The following PHACTR1 variants were observed in gnomAD, a reference collection of about 807,000 sequenced individuals.
PHACTR1 encodes the protein RPEL repeat containing 1.
PHACTR1 carries 16 observed loss-of-function variants against 69.2 expected under a neutral mutation model. The observed-to-expected ratio is 0.23, with a 90% CI of 0.16 to 0.35. The LOEUF (loss-of-function observed/expected upper bound fraction) is 0.35, where lower values mean the gene tolerates loss of function less well. Among genes scored for constraint, PHACTR1 ranks in the 10% least tolerant of loss-of-function variants. The pLI is 1.00. For missense variants in PHACTR1, 510 were observed against 734.7 expected, an observed-to-expected ratio of 0.69 and a Z score of 3.54; for synonymous variants, 312 against 284.5, an observed-to-expected ratio of 1.10 and a Z score of -0.97.
Position 12,884,349 on chromosome 6 carries a change from A to C in PHACTR1, c.250+134559A>C, listed in dbSNP as rs1582277365. 3.3e-5 allele frequency among the ~76,000 whole-genome samples: 5 copies of C among 151,818 alleles called. No individual in the cohort carries two copies. The South Asian group carries it at 8.3e-4, about 25-fold the overall frequency. On this transcript the variant is annotated intron_variant, in intron 4 of 14. Transcript: ENST00000332995. ...CTTTGGTTGAAGGGATCATATACAC[A>C]CAGAGATGGGCATCATGGTTCAGTC...
At chr6:12,999,744 A>C (rs1030859358) in intron 4 of PHACTR1, among the ~76,000 whole-genome samples, 2 of 152,240 alleles carry the variant, frequency 1.3e-5, no homozygotes, top group African/African-American at 4.8e-5. Context: ...ATATGGTAAA[A>C]GTTCAACAGG....
At chr6:12,990,939 C>G (rs990385423) in intron 4 of PHACTR1, among the ~76,000 whole-genome samples, 1 of 152,126 alleles carries the variant, frequency 6.6e-6, no homozygotes, top group African/African-American at 2.4e-5. Flanking sequence ...TGCTTCTTCT[C>G]TTGGTGTTCA....
At chr6:13,102,014 T>A (rs11757001) in intron 5 of PHACTR1, among the ~76,000 whole-genome samples, 36,565 of 152,086 alleles carry the variant, frequency 0.24, 4,790 homozygotes, top group African/African-American at 0.34. Context: ...CATTCTCTAG[T>A]TACCCCAAAA....
At chr6:12,768,999 G>T (rs1222706707) in intron 4 of PHACTR1, among the ~76,000 whole-genome samples, 1 of 152,132 alleles carries the variant, frequency 6.6e-6, no homozygotes, top group Non-Finnish European at 1.5e-5. Context: ...CTCATATATA[G>T]AGTCTTAAAA....
At chr6:13,095,164 GA>G (rs1327803756) in intron 5 of PHACTR1, among the ~76,000 whole-genome samples, 1 of 152,212 alleles carries the variant, frequency 6.6e-6, no homozygotes, top group East Asian at 1.9e-4. Context: ...TGTGAGAAAT[GA>G]ATTTCTGTTT....
intron 7 of PHACTR1, among the ~76,000 whole-genome samples, chr6:13,190,314 C>T (rs545205527): frequency 6.7e-5 from 10 of 150,136 alleles, no homozygotes; most frequent in South Asian, 2.1e-4. Flanking sequence ...GGATTACAGG[C>T]GTGAGCCACC....
intron 4 of PHACTR1, among the ~76,000 whole-genome samples, chr6:13,008,438 C>G (rs1799068146): frequency 6.6e-6 from 1 of 152,190 alleles, no homozygotes; most frequent in Admixed American, 6.5e-5. Context: ...CCTAAATTTC[C>G]TAAGGAATTT....
chr6:12,935,368 C>T (rs562832804), intron 4 of PHACTR1, among the ~76,000 whole-genome samples: 74 of 152,038 alleles, frequency 4.9e-4, no homozygotes, highest in Non-Finnish European at 9.3e-4. Flanking sequence ...CTCAGCCTCC[C>T]GAGTAGCTGG....
chr6:12,718,781 G>T lies in PHACTR1; in HGVS notation c.37G>T (p.Glu13Ter). The change falls in exon 3 of 15, where the codon GAG (glutamate) becomes TAG (stop). Residue 13 changes from glutamate to a stop codon, truncating the protein, a stop_gained. Coordinates refer to ENST00000332995, the MANE Select transcript of PHACTR1 (RefSeq NM_030948.6). LOFTEE classifies it high-confidence loss of function. The part of the protein sequence containing the change: ...YPKMDYFLDV[E>*]SAHRLLDVES... ...CAAAATGGATTATTTTCTGGATGTAGAGTCTGCTCACAGACTCTTGGATGT... is the reference window on the plus strand; with the variant it reads ...CAAAATGGATTATTTTCTGGATGTATAGTCTGCTCACAGACTCTTGGATGT... 1 of 1,571,898 alleles carries T rather than the reference G, an allele frequency of 6.4e-7. No individual in the cohort carries two copies. Among genetic ancestry groups the T allele is most frequent in the South Asian group, 1.2e-5 (1 of 85,082 alleles).
intron 6 of PHACTR1, among the ~76,000 whole-genome samples, chr6:13,166,422 C>G (rs986545000): frequency 6.6e-6 from 1 of 152,074 alleles, no homozygotes; most frequent in South Asian, 2.1e-4. Flanking sequence ...CTGTTGTAGC[C>G]CAAGTGTCTA....
chr6:12,766,044 T>C (rs1158734377), intron 4 of PHACTR1, among the ~76,000 whole-genome samples: 1 of 152,176 alleles, frequency 6.6e-6, no homozygotes, highest in African/African-American at 2.4e-5. Flanking sequence ...CTCGGAAATT[T>C]TTTTCTTTTT....
intron 5 of PHACTR1, among the ~76,000 whole-genome samples, chr6:13,062,696 G>A (rs6903869): frequency 0.088 from 13,401 of 152,158 alleles, 1,948 homozygotes; most frequent in African/African-American, 0.3. Flanking sequence ...CTAGCATGCC[G>A]TGTCATTGAC....
At chr6:13,034,218 C>CT (rs2127697845) in intron 4 of PHACTR1, among the ~76,000 whole-genome samples, 1 of 152,006 alleles carries the variant, frequency 6.6e-6, no homozygotes, top group African/African-American at 2.4e-5. Context: ...GGAGTTTCAC[C>CT]GTGTTAGCCA....
chr6:13,128,950 A>G (rs1313902178), intron 5 of PHACTR1, among the ~76,000 whole-genome samples: 1 of 152,190 alleles, frequency 6.6e-6, no homozygotes, highest in Non-Finnish European at 1.5e-5. Flanking sequence ...TTAACAGCAG[A>G]TTTCTCAACA....
chr6:13,014,059 C>A (rs981076731), intron 4 of PHACTR1, among the ~76,000 whole-genome samples: 3 of 152,176 alleles, frequency 2.0e-5, no homozygotes, highest in Non-Finnish European at 4.4e-5. Flanking sequence ...AACAACGTGT[C>A]CTTTGTGATC....
intron 4 of PHACTR1, among the ~76,000 whole-genome samples, chr6:12,987,161 G>C (rs1044688063): frequency 6.6e-6 from 1 of 152,138 alleles, no homozygotes; most frequent in Non-Finnish European, 1.5e-5. Flanking sequence ...GGTTTAGAAA[G>C]ATACAGAATA....
intron 9 of PHACTR1, 117 bp from the exon 10 acceptor site, chr6:13,229,920 C>T: frequency 8.4e-7 from 1 of 1,187,668 alleles, no homozygotes. Flanking sequence ...TAACCACTTT[C>T]AGGTGTTAAA....
intron 4 of PHACTR1, among the ~76,000 whole-genome samples, chr6:12,837,332 T>C (rs1273857564): frequency 6.6e-6 from 1 of 152,200 alleles, no homozygotes; most frequent in African/African-American, 2.4e-5. Flanking sequence ...AAAATTACTG[T>C]CTTTTAGTTA....
chr6:13,284,242 GCA>G (rs890773047), intron 13 of PHACTR1, among the ~76,000 whole-genome samples: 9 of 152,108 alleles, frequency 5.9e-5, no homozygotes, highest in African/African-American at 2.2e-4. Flanking sequence ...TGTGCGCCAG[GCA>G]CAGTGGCTCA....
Sources: gnomAD v4.1 joint callset for allele counts (sites outside exome capture counted in the v4.1 genomes callset) on GRCh38, gnomAD v4.1.1 for gene constraint, MANE v1.5 for transcripts, NCBI Gene and HGNC (gene_info 2026-07-23, HGNC 2026-07-21) for gene names.